The following VPS50 variants were observed in gnomAD, a reference collection of about 807,000 sequenced individuals.
VPS50 encodes the protein syndetin.
VPS50 carries 70 observed loss-of-function variants against 139.7 expected under a neutral mutation model. That is an observed-to-expected ratio of 0.50 (90% CI 0.41 to 0.61). The LOEUF is 0.61. Ranked by LOEUF, VPS50 falls within the 20% of genes least tolerant of loss-of-function variation. The probability of loss-of-function intolerance (pLI) is 0.00; values close to 1 mark genes in which losing one functional copy is unlikely to be tolerated. For missense variants in VPS50, 921 were observed against 1,133.7 expected, an observed-to-expected ratio of 0.81 and a Z score of 2.69; for synonymous variants, 365 against 376.7, an observed-to-expected ratio of 0.97 and a Z score of 0.36.
At chr7:93,320,396 C>T (rs1041067895) in intron 20 of VPS50, 1 of 150,216 alleles carries the variant, frequency 6.7e-6, no homozygotes, top group Non-Finnish European at 1.5e-5. Context: ...ACTCTGTTGC[C>T]TAGGCTGGAG....
At chr7:93,344,387 C>T (rs1798323088) in intron 23 of VPS50, among the ~76,000 whole-genome samples, 1 of 152,062 alleles carries the variant, frequency 6.6e-6, no homozygotes, top group Admixed American at 6.5e-5. Context: ...TAATGGGAGA[C>T]TTTAACACCC....
At chr7:93,331,960 A>G (rs1408261753) in intron 21 of VPS50, among the ~76,000 whole-genome samples, 1 of 152,232 alleles carries the variant, frequency 6.6e-6, no homozygotes, top group African/African-American at 2.4e-5. Flanking sequence ...TAATTAGCAC[A>G]TGAGAAGATG....
chr7:93,239,225 T>G (rs559385906), intron 1 of VPS50, among the ~76,000 whole-genome samples: 1 of 152,262 alleles, frequency 6.6e-6, no homozygotes, highest in Admixed American at 6.5e-5. Context: ...TTAAAGAAAA[T>G]GTAAATTGCT....
chr7:93,320,375 G>A (rs950223353), intron 20 of VPS50: 2 of 120,660 alleles, frequency 1.7e-5, no homozygotes, highest in East Asian at 2.7e-4. Flanking sequence ...TTTTTTTTTA[G>A]ACGGAGTCTC....
At chr7:93,335,116 C>G (rs1422907772) in intron 22 of VPS50, among the ~76,000 whole-genome samples, 1 of 152,162 alleles carries the variant, frequency 6.6e-6, no homozygotes, top group Non-Finnish European at 1.5e-5. Context: ...GGGAATTCAT[C>G]AGTGCACAGA....
intron 12 of VPS50, among the ~76,000 whole-genome samples, chr7:93,278,644 G>A (rs1289516583): frequency 2.0e-5 from 3 of 149,510 alleles, no homozygotes; most frequent in Non-Finnish European, 3.0e-5. Context: ...AAGTAGTTGT[G>A]TATATATTTA....
intron 19 of VPS50, 31 bp from the exon 20 acceptor site, chr7:93,311,135 T>TAGCA: frequency 1.1e-6 from 1 of 886,004 alleles, no homozygotes; most frequent in Non-Finnish European, 1.9e-6. Flanking sequence ...TTGACAACTC[T>TAGCA]AGCAACTCTG....
chr7:93,356,167 G>C, intron 27 of VPS50, 87 bp downstream of exon 27: 1 of 639,914 alleles, frequency 1.6e-6, no homozygotes, highest in East Asian at 2.9e-5. Context: ...TCAAAATCAT[G>C]AGAGTGAAAT....
intron 22 of VPS50, among the ~76,000 whole-genome samples, chr7:93,337,216 G>A (rs1249867524): frequency 6.6e-6 from 1 of 152,184 alleles, no homozygotes; most frequent in African/African-American, 2.4e-5. Context: ...TGGGAACAAA[G>A]GAAGGTATTT....
At chr7:93,325,538 C>T (rs1406762270) in intron 21 of VPS50, among the ~76,000 whole-genome samples, 10 of 151,858 alleles carry the variant, frequency 6.6e-5, no homozygotes, top group African/African-American at 2.4e-4. Context: ...AGAAAATTTT[C>T]ACAACCTACT....
chr7:93,294,091 C>T (rs191589900), intron 13 of VPS50, among the ~76,000 whole-genome samples: 24 of 152,302 alleles, frequency 1.6e-4, no homozygotes, highest in Admixed American at 8.5e-4. Context: ...GTGGATAAAA[C>T]TATTATTTAT....
chr7:93,305,684 A>G (rs905372787), intron 17 of VPS50, 144 bp from the exon 18 acceptor site: 13 of 655,620 alleles, frequency 2.0e-5, no homozygotes, highest in Non-Finnish European at 3.2e-5. Context: ...GTGCTTTTAG[A>G]TAACTTGAAA....
chr7:93,264,235 C>G (rs555093905), intron 9 of VPS50, among the ~76,000 whole-genome samples: 49 of 152,126 alleles, frequency 3.2e-4, no homozygotes, highest in African/African-American at 1.2e-3. Context: ...TACAGTAATC[C>G]CAGTTTTGTT....
At chr7:93,350,498 G>T (rs940292708) in intron 25 of VPS50, among the ~76,000 whole-genome samples, 8 of 151,794 alleles carry the variant, frequency 5.3e-5, no homozygotes, top group East Asian at 3.9e-4. Context: ...AAGAATTGTG[G>T]TTTTTTTTCA....
chr7:93,308,217 A>T (rs1478987709), intron 18 of VPS50, among the ~76,000 whole-genome samples: 2 of 151,826 alleles, frequency 1.3e-5, no homozygotes, highest in African/African-American at 2.4e-5. Flanking sequence ...CCATGCTGGC[A>T]TTGGGCCATG....
chr7:93,258,194 CTAGTT>C lies in VPS50; in HGVS notation c.462_466del (p.Ser154ArgfsTer34). ...ATTGCAAAGGAAGGTTTTACTCAAG[CTAGTT>C]TAGGCCTTCTTGCAAATCAAAGGAA... On this transcript the variant is annotated frameshift_variant, in exon 7 of 28. Transcript: ENST00000305866. LOFTEE classifies it high-confidence loss of function. 2.5e-6 allele frequency: 4 copies of C among 1,584,072 alleles called. No homozygotes were observed. The highest frequency in any genetic ancestry group is 2.6e-6 in the Non-Finnish European group (3 of 1,153,156).
Position 93,232,450 on chromosome 7 carries a change from C to T in VPS50, c.-18C>T. 6.2e-7 allele frequency: 1 copy of T among 1,610,582 alleles called. No individual in the cohort carries two copies. Among genetic ancestry groups the T allele is most frequent in the South Asian group, 1.1e-5 (1 of 90,982 alleles). On this transcript the variant is annotated 5_prime_UTR_variant, in exon 1 of 28. Coordinates refer to ENST00000305866, the MANE Select transcript of VPS50 (RefSeq NM_017667.4). Reference sequence around the variant, plus strand: ...TTGTTAGCTCTTTGAGGCAGGGTACCCTCCTCAGGATTTCGATATGCAAAA... The same window carrying T: ...TTGTTAGCTCTTTGAGGCAGGGTACTCTCCTCAGGATTTCGATATGCAAAA...
At chr7:93,261,878 G>A (rs972492031) in intron 9 of VPS50, among the ~76,000 whole-genome samples, 1 of 152,012 alleles carries the variant, frequency 6.6e-6, no homozygotes, top group Non-Finnish European at 1.5e-5. Flanking sequence ...TCTTTGTTGC[G>A]GAGTTACCAA....
chr7:93,256,878 T>C (rs1044074464), intron 5 of VPS50, among the ~76,000 whole-genome samples: 1 of 152,126 alleles, frequency 6.6e-6, no homozygotes, highest in African/African-American at 2.4e-5. Context: ...GACCACTCAT[T>C]GGCAATATAA....
Sources: gnomAD v4.1 joint callset for allele counts (sites outside exome capture counted in the v4.1 genomes callset) on GRCh38, gnomAD v4.1.1 for gene constraint, MANE v1.5 for transcripts, NCBI Gene and HGNC (gene_info 2026-07-23, HGNC 2026-07-21) for gene names.